Variants in AFF2 observed in about 807,000 individuals in gnomAD.
AFF2 encodes AF4/FMR2 family member 2.
Under a neutral mutation model 76.9 loss-of-function variants are expected in AFF2, and 14 were observed. The ratio of observed to expected loss-of-function variants is 0.18; its 90% CI spans 0.12 to 0.28. AFF2 has a LOEUF of 0.28. AFF2 is among the 10% of genes least tolerant of loss of function. The pLI, the probability that AFF2 is intolerant of heterozygous loss-of-function variation, is 1.00. For synonymous variants in AFF2, 398 were observed against 366.7 expected (o/e 1.09, Z -0.98); for missense variants, 868 against 1,001.1 (o/e 0.87, Z 1.79).
intron 3 of AFF2, among the ~76,000 whole-genome samples, chrX:148,772,673 A>G (rs12009968): frequency 0.021 from 2,302 of 109,855 alleles, 65 homozygotes; most frequent in African/African-American, 0.072. Context: ...ATGAAGCTGC[A>G]TAAATATTTC....
chrX:148,935,508 A>T (rs1021415814), intron 9 of AFF2, among the ~76,000 whole-genome samples: 9 of 111,192 alleles, frequency 8.1e-5, no homozygotes, highest in African/African-American at 2.9e-4. Flanking sequence ...TCATTTTCAG[A>T]GGTAATGTTA....
chrX:148,711,403 G>GTGGGAATTGT (rs1557262908), intron 3 of AFF2, among the ~76,000 whole-genome samples: 2 of 111,699 alleles, frequency 1.8e-5, no homozygotes, highest in Non-Finnish European at 3.8e-5. Flanking sequence ...GACTAGTCTA[G>GTGGGAATTGT]GTTAAGGGGA....
At chrX:148,660,926 T>A (rs890967338) in intron 2 of AFF2, among the ~76,000 whole-genome samples, 1 of 112,714 alleles carries the variant, frequency 8.9e-6, no homozygotes, top group Non-Finnish European at 1.9e-5. Context: ...ACCCACCATT[T>A]TTTAGTCATG....
At chrX:148,894,282 C>T (rs782074448) in intron 8 of AFF2, among the ~76,000 whole-genome samples, 5 of 111,636 alleles carry the variant, frequency 4.5e-5, no homozygotes, top group African/African-American at 1.6e-4. Context: ...ACTCTACCCC[C>T]TCCCCCCCAG....
chrX:148,708,005 G>A (rs1204773831), intron 3 of AFF2, among the ~76,000 whole-genome samples: 1 of 111,697 alleles, frequency 9.0e-6, no homozygotes, highest in Admixed American at 9.5e-5. Flanking sequence ...AAAGAACAAA[G>A]CATACTGTTG....
chrX:148,503,981 G>A (rs782667325), intron 1 of AFF2, among the ~76,000 whole-genome samples: 9 of 111,984 alleles, frequency 8.0e-5, no homozygotes, highest in African/African-American at 2.6e-4. Context: ...TGGCACAGAT[G>A]TCTGTCTGTG....
intron 9 of AFF2, among the ~76,000 whole-genome samples, chrX:148,935,651 G>C (rs919035825): frequency 9.0e-6 from 1 of 111,518 alleles, no homozygotes; most frequent in Non-Finnish European, 1.9e-5. Flanking sequence ...AAGGCCAGAC[G>C]GGAAATCAGG....
intron 3 of AFF2, among the ~76,000 whole-genome samples, chrX:148,774,615 C>T (rs1434977503): frequency 9.0e-6 from 1 of 111,481 alleles, no homozygotes; most frequent in East Asian, 2.8e-4. Flanking sequence ...CACACATGGC[C>T]GCTGCTCTAA....
intron 3 of AFF2, among the ~76,000 whole-genome samples, chrX:148,676,082 C>T (rs1238315434): frequency 1.3e-3 from 120 of 91,317 alleles, no homozygotes; most frequent in Non-Finnish European, 1.8e-3. Context: ...TTTTTTGAGA[C>T]GGAGTCTCAT....
rs782062894 is a variant in AFF2 at position 148,676,146 on chromosome X, G to T, written c.1041+13378G>T. Among the ~76,000 whole-genome samples the T allele has an allele frequency of 8.8e-5, 9 of 102,497 alleles. No homozygotes were observed. In the East Asian group the frequency reaches 2.8e-3, roughly 32 times the overall value. The allele number at this position is 102,497 out of a possible 115,157, so 89.0% of individuals were successfully genotyped here. A position where few individuals can be genotyped will look rare whatever the true frequency, so the allele number is the denominator to read the frequency against. On this transcript the variant is annotated intron_variant, in intron 3 of 20. Coordinates refer to ENST00000370460, the MANE Select transcript of AFF2 (RefSeq NM_002025.4). ...ACCGTCTTGGCTCACTGCAAGCTCC[G>T]CCTCCCAGGTTCACGCCATTCTCCG...
At chrX:148,975,682 C>T (rs1039262440) in intron 16 of AFF2, among the ~76,000 whole-genome samples, 3 of 109,397 alleles carry the variant, frequency 2.7e-5, no homozygotes, top group Admixed American at 2.0e-4. Context: ...CGGTGGCTCA[C>T]GCCTGTAATC....
intron 1 of AFF2, among the ~76,000 whole-genome samples, chrX:148,601,632 C>T (rs1324735586): frequency 1.8e-5 from 2 of 110,718 alleles, no homozygotes; most frequent in African/African-American, 6.6e-5. Context: ...CTCCCTCCAA[C>T]GAGAAAGTAG....
intron 3 of AFF2, among the ~76,000 whole-genome samples, chrX:148,764,810 T>C (rs1041231312): frequency 4.5e-5 from 5 of 112,238 alleles, no homozygotes; most frequent in Non-Finnish European, 7.5e-5. Context: ...AAATGTGCTA[T>C]TTCTGAATGG....
intron 9 of AFF2, among the ~76,000 whole-genome samples, chrX:148,935,396 T>TACACACACAC (rs3831670): frequency 2.9e-5 from 3 of 102,498 alleles, no homozygotes; most frequent in African/African-American, 1.0e-4. Context: ...CATTTGAAAC[T>TACACACACAC]ACACACACAC....
intron 9 of AFF2, among the ~76,000 whole-genome samples, chrX:148,912,649 G>T (rs1557282103): frequency 8.9e-6 from 1 of 112,248 alleles, no homozygotes; most frequent in African/African-American, 3.2e-5. Context: ...TGAATTGACT[G>T]TAAATGCTTA....
intron 3 of AFF2, among the ~76,000 whole-genome samples, chrX:148,679,746 T>C (rs1557259778): frequency 2.7e-5 from 3 of 111,495 alleles, no homozygotes; most frequent in African/African-American, 9.8e-5. Flanking sequence ...TGATGCCAAA[T>C]GGAAGCTCTA....
chrX:148,889,848 C>T (rs1182764867), intron 8 of AFF2, among the ~76,000 whole-genome samples: 1 of 111,578 alleles, frequency 9.0e-6, no homozygotes, highest in African/African-American at 3.3e-5. Context: ...GTAAAAATAG[C>T]ACCTTCTTCA....
At chrX:148,979,100 G>A (rs2072361766) in intron 18 of AFF2, among the ~76,000 whole-genome samples, 1 of 111,991 alleles carries the variant, frequency 8.9e-6, no homozygotes, top group South Asian at 3.7e-4. Flanking sequence ...CCTGATCACT[G>A]TACTCTCCAA....
At chrX:148,832,206 G>A (rs2070463308) in intron 4 of AFF2, among the ~76,000 whole-genome samples, 1 of 111,712 alleles carries the variant, frequency 9.0e-6, no homozygotes, top group Non-Finnish European at 1.9e-5. Context: ...AAGGAAGGAA[G>A]CAAGGAAGGG....
Sources: allele counts gnomAD v4.1 joint callset (sites outside exome capture counted in the v4.1 genomes callset), GRCh38; gene constraint gnomAD v4.1.1; transcripts MANE v1.5; gene names NCBI Gene and HGNC (gene_info 2026-07-23, HGNC 2026-07-21).